RASAL2: variants seen among roughly 807,000 people sequenced by gnomAD.
RASAL2 encodes the protein ras GTPase-activating protein nGAP.
A neutral mutation model predicts 128.9 loss-of-function variants in RASAL2; 58 were observed. The ratio of observed to expected loss-of-function variants is 0.45; its 90% CI spans 0.36 to 0.56. The LOEUF is 0.56. Among genes scored for constraint, RASAL2 ranks in the 20% least tolerant of loss-of-function variants. RASAL2 has a pLI of 0.00. For missense variants in RASAL2, 1,360 were observed against 1,601.6 expected (o/e 0.85, Z 2.57); for synonymous variants, 561 against 580.8 (o/e 0.97, Z 0.49).
At chr1:178,259,195 A>G (rs1264887881) in intron 1 of RASAL2, among the ~76,000 whole-genome samples, 3 of 135,668 alleles carry the variant, frequency 2.2e-5, no homozygotes, top group Non-Finnish European at 4.5e-5. Flanking sequence ...CAGTGGCGCA[A>G]TCTCGGCTCA....
intron 3 of RASAL2, among the ~76,000 whole-genome samples, chr1:178,314,608 G>A (rs1027105497): frequency 2.0e-5 from 3 of 151,838 alleles, no homozygotes; most frequent in African/African-American, 7.3e-5. Context: ...AAAATATTGG[G>A]GAAATTATTA....
At chr1:178,349,258 TAA>T (rs1163062770) in intron 3 of RASAL2, among the ~76,000 whole-genome samples, 39 of 110,772 alleles carry the variant, frequency 3.5e-4, no homozygotes, top group Admixed American at 8.5e-4. Flanking sequence ...GTCTCTACTT[TAA>T]AAAAAAAAAA....
chr1:178,210,620 G>A (rs1663218486), intron 1 of RASAL2, among the ~76,000 whole-genome samples: 1 of 152,164 alleles, frequency 6.6e-6, no homozygotes, highest in Non-Finnish European at 1.5e-5. Flanking sequence ...CTGATAACAG[G>A]TGCCGCCAAA....
At chr1:178,163,503 C>T (rs1431093282) in intron 1 of RASAL2, among the ~76,000 whole-genome samples, 1 of 152,124 alleles carries the variant, frequency 6.6e-6, no homozygotes, top group Admixed American at 6.6e-5. Flanking sequence ...TAGGGTCTAA[C>T]TTTATACTTC....
chr1:178,266,186 A>T (rs1303918398), intron 1 of RASAL2, among the ~76,000 whole-genome samples: 1 of 152,230 alleles, frequency 6.6e-6, no homozygotes, highest in Non-Finnish European at 1.5e-5. Context: ...AGTTTTCAAA[A>T]GTGATTTTAC....
chr1:178,120,171 C>T (rs1027521999), intron 1 of RASAL2, among the ~76,000 whole-genome samples: 5 of 152,136 alleles, frequency 3.3e-5, no homozygotes, highest in Non-Finnish European at 5.9e-5. Flanking sequence ...TTGATGGCTT[C>T]GTTTGATAGC....
At chr1:178,288,645 T>C (rs1415022504) in intron 2 of RASAL2, among the ~76,000 whole-genome samples, 32 of 88,874 alleles carry the variant, frequency 3.6e-4, no homozygotes, top group African/African-American at 1.9e-3. Flanking sequence ...TCTCTCTCTT[T>C]TTTTTTTTTT....
At chr1:178,202,321 A>G (rs561805509) in intron 1 of RASAL2, among the ~76,000 whole-genome samples, 3 of 152,268 alleles carry the variant, frequency 2.0e-5, no homozygotes, top group Admixed American at 2.0e-4. Context: ...TCTCTCCCCC[A>G]GCCTGCACTG....
intron 2 of RASAL2, among the ~76,000 whole-genome samples, chr1:178,287,450 A>G (rs546794016): frequency 1.3e-5 from 2 of 149,210 alleles, no homozygotes; most frequent in Admixed American, 1.3e-4. Context: ...GAAAAAAATG[A>G]AAAAAAAAAG....
At chr1:178,413,259 C>T (rs553086788) in intron 4 of RASAL2, among the ~76,000 whole-genome samples, 5 of 152,282 alleles carry the variant, frequency 3.3e-5, no homozygotes, top group African/African-American at 4.8e-5. Flanking sequence ...CACACCTGGC[C>T]CGTTCTGTTT....
chr1:178,348,613 C>T (rs529257508), intron 3 of RASAL2, among the ~76,000 whole-genome samples: 2 of 151,986 alleles, frequency 1.3e-5, no homozygotes, highest in South Asian at 4.2e-4. Flanking sequence ...CACTTTTCTA[C>T]ATGTATGTTA....
chr1:178,473,484 T>G lies in RASAL2; in HGVS notation c.*245T>G, dbSNP rs1269421302. ...AGTTCTGGGCCATGTACAGAAAATA[T>G]CACTGTAATATACCAAAAGGAAGTT... On this transcript the variant is annotated 3_prime_UTR_variant, in exon 18 of 18. Transcript: ENST00000367649. 2 of 542,784 alleles carry G rather than the reference T, an allele frequency of 3.7e-6. No homozygotes were observed. Among genetic ancestry groups the G allele is most frequent in the African/African-American group, 3.8e-5 (2 of 52,706 alleles). The allele number at this position is 542,784 out of a possible 1,614,324, so 33.6% of individuals were successfully genotyped here.
Position 178,441,532 on chromosome 1 carries a change from T to G in RASAL2, c.829-17T>G. 6.3e-7 allele frequency: 1 copy of G among 1,596,552 alleles called. No homozygotes were observed. ...TCCAGTGTTTTCTTTTTCTTATGTCTAATTTTTATGTTGAAGGTTACCTAC... is the reference window on the plus strand; with the variant it reads ...TCCAGTGTTTTCTTTTTCTTATGTCGAATTTTTATGTTGAAGGTTACCTAC... On this transcript the variant is annotated splice_polypyrimidine_tract_variant and intron_variant, in intron 6 of 17. Coordinates refer to ENST00000367649, the MANE Select transcript of RASAL2 (RefSeq NM_170692.4).
chr1:178,197,403 G>A (rs768326963), intron 1 of RASAL2, among the ~76,000 whole-genome samples: 2 of 151,854 alleles, frequency 1.3e-5, no homozygotes, highest in South Asian at 2.1e-4. Flanking sequence ...GCAGTGAGCC[G>A]AGATTGTGCC....
At chr1:178,135,945 C>T (rs1660310428) in intron 1 of RASAL2, among the ~76,000 whole-genome samples, 1 of 152,152 alleles carries the variant, frequency 6.6e-6, no homozygotes, top group South Asian at 2.1e-4. Flanking sequence ...CACCAGGTCC[C>T]TCCCACAACA....
rs747743029 is a variant in RASAL2, at chr1:178,458,378, T to C, written c.3086T>C (p.Leu1029Pro). Residue 1029 changes from leucine to proline, a missense_variant, in exon 14 of 18, where the codon CTG becomes CCG. By Grantham distance (98) the Leu-to-Pro change is moderately conservative. Transcript: ENST00000367649. ...LGARAKAPPS[L>P]PHSASLRSTG... ...GCCCGAGCCAAAGCCCCACCATCCC[T>C]GCCACACAGTGCTTCTTTACGTAGC... The C allele has an allele frequency of 1.2e-6, 2 of 1,614,070 alleles. No individual in the cohort carries two copies. Among genetic ancestry groups the C allele is most frequent in the African/African-American group, 2.7e-5 (2 of 74,932 alleles).
chr1:178,442,235 C>T (rs1187841502), intron 7 of RASAL2, among the ~76,000 whole-genome samples: 1 of 152,124 alleles, frequency 6.6e-6, no homozygotes, highest in Non-Finnish European at 1.5e-5. Flanking sequence ...AGCAGTCTTA[C>T]TGCAGATATT....
At position 178,457,677 on chromosome 1, in the gene RASAL2, C is replaced by T. The variant is rs1354073056; in HGVS notation, c.2391-6C>T. ...GAGAAATTAAGTGTCCTTTCCTTTT[C>T]CACAGTGATTTGCATAAACTAAAAT... On this transcript the variant is annotated splice_polypyrimidine_tract_variant and splice_region_variant and intron_variant, in intron 13 of 17. Transcript: ENST00000367649. The T allele has an allele frequency of 6.2e-7, 1 of 1,609,096 alleles. No homozygotes were observed. The highest frequency in any genetic ancestry group is 8.5e-7 in the Non-Finnish European group (1 of 1,177,064).
At chr1:178,376,344 C>G (rs771883479) in intron 3 of RASAL2, among the ~76,000 whole-genome samples, 29 of 152,190 alleles carry the variant, frequency 1.9e-4, no homozygotes, top group African/African-American at 6.3e-4. Context: ...ACAGGTTAAG[C>G]CTTTTGCCTG....
Sources: gnomAD v4.1 joint callset for allele counts (sites outside exome capture counted in the v4.1 genomes callset) on GRCh38, gnomAD v4.1.1 for gene constraint, MANE v1.5 for transcripts, NCBI Gene and HGNC (gene_info 2026-07-23, HGNC 2026-07-21) for gene names.